PREX1: variants seen among roughly 807,000 people sequenced by gnomAD.
The protein encoded by PREX1 is phosphatidylinositol-3,4,5-trisphosphate dependent Rac exchange factor 1, also known as phosphatidylinositol 3,4,5-trisphosphate-dependent Rac exchanger 1 protein.
Under a neutral mutation model 198.3 loss-of-function variants are expected in PREX1, and 41 were observed. The observed-to-expected ratio is 0.21, with a 90% CI of 0.16 to 0.27. The LOEUF is 0.27. PREX1 is among the 10% of genes least tolerant of loss of function. PREX1 has a pLI of 1.00. For missense variants in PREX1, 1,620 were observed against 2,200.7 expected, an observed-to-expected ratio of 0.74 and a Z score of 5.28; for synonymous variants, 843 against 887.2, an observed-to-expected ratio of 0.95 and a Z score of 0.89.
chr20:48,823,040 C>T (rs1168099601), intron 1 of PREX1, among the ~76,000 whole-genome samples: 1 of 152,142 alleles, frequency 6.6e-6, no homozygotes, highest in African/African-American at 2.4e-5. Flanking sequence ...GTTTGGCAAG[C>T]GGAGCTCCAA....
intron 5 of PREX1, 30 bp from the exon 6 acceptor site, chr20:48,708,451 A>T: frequency 6.2e-7 from 1 of 1,611,328 alleles, no homozygotes; most frequent in Non-Finnish European, 8.5e-7. Context: ...GGGAGAAGAA[A>T]GCAAGACATC....
At chr20:48,837,387 A>G in the PREX1 span, among the ~76,000 whole-genome samples, 1 of 152,330 alleles carries the variant, frequency 6.6e-6, no homozygotes, top group South Asian at 2.1e-4. Flanking sequence ...TCATTTCAGC[A>G]CTGTTCACAA....
intron 15 of PREX1, among the ~76,000 whole-genome samples, chr20:48,661,601 A>T (rs922468687): frequency 2.0e-5 from 3 of 147,698 alleles, no homozygotes; most frequent in African/African-American, 7.5e-5. Flanking sequence ...CAAGCCAGGA[A>T]AATGAATAAA....
At position 48,655,317 on chromosome 20, in the gene PREX1, G is replaced by A. The variant is rs774290280; in HGVS notation, c.2182C>T (p.Pro728Ser). The A allele has an allele frequency of 1.3e-6, 2 of 1,596,560 alleles. No homozygotes were observed. The highest frequency in any genetic ancestry group is 1.7e-6 in the Non-Finnish European group (2 of 1,167,556). Reference sequence around the variant, plus strand: ...CTCCCCACAGCATAGACGTACGGTGGGGCAGCTCCACGAATCTGGAAGCAC... The same window carrying A: ...CTCCCCACAGCATAGACGTACGGTGAGGCAGCTCCACGAATCTGGAAGCAC... The part of the protein sequence containing the change: ...TLCFQIRGAA[P>S]PYVYAVGRGS... The change falls in exon 19 of 40, where the codon CCA (proline) becomes TCA (serine). Residue 728 changes from proline to serine, a missense_variant. Physicochemically the swap from Pro to Ser is moderately conservative, Grantham distance 74. Around this residue, in one of 7 missense-constraint regions of PREX1, gnomAD observed 514 missense variants for 611.6 expected, o/e 0.84. Transcript: ENST00000371941.
At chr20:48,815,024 G>C (rs934524911) in intron 1 of PREX1, among the ~76,000 whole-genome samples, 4 of 152,130 alleles carry the variant, frequency 2.6e-5, no homozygotes, top group Admixed American at 1.3e-4. Flanking sequence ...TCAAGACAAG[G>C]AGCATTATCA....
the PREX1 span, among the ~76,000 whole-genome samples, chr20:48,857,914 G>A: frequency 6.6e-6 from 1 of 152,340 alleles, no homozygotes; most frequent in Non-Finnish European, 1.5e-5. Context: ...AGGGGGGTCT[G>A]GGCCAAGGGG....
intron 6 of PREX1, among the ~76,000 whole-genome samples, chr20:48,703,477 T>A (rs2089885966): frequency 6.6e-6 from 1 of 152,160 alleles, no homozygotes; most frequent in Admixed American, 6.5e-5. Context: ...ACCCCCAGCA[T>A]CCTCGCGAAC....
At chr20:48,886,294 G>A in the PREX1 span, among the ~76,000 whole-genome samples, 1 of 152,314 alleles carries the variant, frequency 6.6e-6, no homozygotes, top group East Asian at 1.9e-4. Context: ...TCCGTGGTAA[G>A]GCCAGTCACA....
At chr20:48,849,674 G>A in the PREX1 span, among the ~76,000 whole-genome samples, 339 of 152,246 alleles carry the variant, frequency 2.2e-3, no homozygotes, top group East Asian at 0.011. Flanking sequence ...GTAAACTGCC[G>A]CATAGCATAT....
intron 3 of PREX1, among the ~76,000 whole-genome samples, chr20:48,736,892 T>C (rs761754544): frequency 1.5e-4 from 23 of 152,084 alleles, no homozygotes; most frequent in Non-Finnish European, 2.8e-4. Context: ...AAGGAGAAGT[T>C]CTGCAGCCAG....
intron 1 of PREX1, among the ~76,000 whole-genome samples, chr20:48,814,646 C>T (rs2090451983): frequency 6.6e-6 from 1 of 152,144 alleles, no homozygotes; most frequent in African/African-American, 2.4e-5. Context: ...CACATAATAC[C>T]TTCTAAGCCA....
chr20:48,771,384 C>T (rs2090235093), intron 1 of PREX1, among the ~76,000 whole-genome samples: 1 of 151,700 alleles, frequency 6.6e-6, no homozygotes, highest in South Asian at 2.1e-4. Flanking sequence ...CCTGCAATTC[C>T]AGGGGAATCA....
intron 22 of PREX1, 128 bp from the exon 23 acceptor site, chr20:48,651,183 T>G: frequency 1.5e-6 from 2 of 1,313,172 alleles, no homozygotes; most frequent in Non-Finnish European, 2.1e-6. Context: ...TGGCCCATAT[T>G]GCACGGGAGT....
chr20:48,855,362 C>A, the PREX1 span, among the ~76,000 whole-genome samples: 10 of 152,044 alleles, frequency 6.6e-5, no homozygotes. Context: ...TGCTGAGAGA[C>A]GCTCACAGGA....
intron 5 of PREX1, among the ~76,000 whole-genome samples, chr20:48,724,982 A>T (rs1270316873): frequency 6.6e-6 from 1 of 152,228 alleles, no homozygotes; most frequent in Non-Finnish European, 1.5e-5. Context: ...GATCAACAGC[A>T]GGAGCAGACC....
chr20:48,680,004 C>CGCA (rs1345453031), intron 11 of PREX1, among the ~76,000 whole-genome samples: 1 of 152,150 alleles, frequency 6.6e-6, no homozygotes, highest in African/African-American at 2.4e-5. Context: ...TGCTGAGACT[C>CGCA]GCAGCTTGGG....
At chr20:48,761,426 ATG>A (rs1164282531) in intron 1 of PREX1, among the ~76,000 whole-genome samples, 2 of 152,170 alleles carry the variant, frequency 1.3e-5, no homozygotes, top group Non-Finnish European at 2.9e-5. Context: ...CTCGAAAAGG[ATG>A]TGTTTAATTA....
intron 31 of PREX1, 73 bp from the exon 32 acceptor site, chr20:48,636,756 C>T (rs962695242): frequency 6.4e-6 from 9 of 1,398,398 alleles, no homozygotes; most frequent in Non-Finnish European, 8.7e-6. Context: ...CCCCAAAACC[C>T]TGGGTCCAGG....
intron 15 of PREX1, among the ~76,000 whole-genome samples, chr20:48,661,468 T>TATATATATATATATATATATATATATAC (rs1373152651): frequency 9.1e-5 from 7 of 76,804 alleles, no homozygotes; most frequent in South Asian, 5.2e-4. Flanking sequence ...TATATATATA[T>TATATATATATATATATATATATATATAC]ACACACACAT....
Sources: allele counts gnomAD v4.1 joint callset (sites outside exome capture counted in the v4.1 genomes callset), GRCh38; gene constraint gnomAD v4.1.1; regional missense constraint gnomAD v4.1.1; transcripts MANE v1.5; gene names NCBI Gene and HGNC (gene_info 2026-07-23, HGNC 2026-07-21).